TTC6: variants seen among roughly 807,000 people sequenced by gnomAD.
TTC6 encodes tetratricopeptide repeat protein 6.
A neutral mutation model predicts 210.4 loss-of-function variants in TTC6; 172 were observed. That is an observed-to-expected ratio of 0.82 (90% confidence interval 0.72 to 0.93). The LOEUF is 0.93. TTC6 is among the 40% of genes least tolerant of loss of function. TTC6 has a pLI of 0.00. For missense variants in TTC6, 2,414 were observed against 2,318.1 expected (o/e 1.04, Z -0.85); for synonymous variants, 804 against 819.6 (o/e 0.98, Z 0.32).
rs373387397 is a variant in TTC6 at position 37,637,873 on chromosome 14, C to T, written c.939+14870C>T. Among the ~76,000 whole-genome samples, 4 of 152,128 alleles carry T rather than the reference C, an allele frequency of 2.6e-5. No homozygotes were observed. The East Asian group carries it at 7.7e-4, about 29-fold the overall frequency. ...AGGCAGAGATGCTGGATTACTCATA[C>T]GTTGTTGGTAGGAATATAAGATGAC... On this transcript the variant is annotated intron_variant, in intron 1 of 30. Coordinates refer to ENST00000553443, the Ensembl canonical transcript of TTC6.
At chr14:37,745,012 ACACC>A (rs896644795) in intron 10 of TTC6, among the ~76,000 whole-genome samples, 3 of 151,446 alleles carry the variant, frequency 2.0e-5, no homozygotes, top group African/African-American at 7.3e-5. Context: ...ACACACACAC[ACACC>A]CACACACACA....
intron 1 of TTC6, among the ~76,000 whole-genome samples, chr14:37,638,069 CTG>C (rs570158226): frequency 1.3e-5 from 2 of 152,140 alleles, no homozygotes; most frequent in Admixed American, 6.5e-5. Context: ...TAACCCCTAA[CTG>C]TCAACAACCC....
rs57428441 is a variant in TTC6, at chr14:37,693,979, AAAACAAACAAACAAAC to A, written c.1258-2716_1258-2701del. Among the ~76,000 whole-genome samples the A allele has an allele frequency of 3.2e-3, 478 of 150,490 alleles. 3 individuals carry two copies. Among genetic ancestry groups the A allele is most frequent in the African/African-American group, 9.5e-3 (389 of 40,886 alleles). ...GACCTCAAACTATAAAACTACCACA[AAAACAAACAAACAAAC>A]AAACAAACAAACAAACAAACACTGG... is the stretch of plus-strand genomic sequence containing the variant. On this transcript the variant is annotated intron_variant, in intron 3 of 30. Coordinates refer to ENST00000553443, the Ensembl canonical transcript of TTC6.
At chr14:37,797,295 T>G (rs2096094942) in intron 20 of TTC6, among the ~76,000 whole-genome samples, 1 of 152,116 alleles carries the variant, frequency 6.6e-6, no homozygotes, top group South Asian at 2.1e-4. Context: ...TGTAGGTGTA[T>G]TCCTGTTCCT....
intron 7 of TTC6, among the ~76,000 whole-genome samples, chr14:37,733,272 C>A (rs998855988): frequency 6.6e-6 from 1 of 152,038 alleles, no homozygotes; most frequent in Non-Finnish European, 1.5e-5. Flanking sequence ...ATGTAATATA[C>A]CTTAAATTTT....
At chr14:37,597,121 T>A (rs1285543658) in intron 1 of TTC6, among the ~76,000 whole-genome samples, 2 of 152,036 alleles carry the variant, frequency 1.3e-5, no homozygotes, top group Non-Finnish European at 2.9e-5. Flanking sequence ...CCCTCCCTAA[T>A]GCAGCCTGCT....
intron 1 of TTC6, among the ~76,000 whole-genome samples, chr14:37,642,795 C>A (rs1170985041): frequency 6.6e-6 from 1 of 152,180 alleles, no homozygotes; most frequent in African/African-American, 2.4e-5. Context: ...TAGCCTGTTG[C>A]TCCTAGACTA....
intron 1 of TTC6, among the ~76,000 whole-genome samples, chr14:37,652,599 C>T (rs951312240): frequency 2.0e-5 from 3 of 152,124 alleles, no homozygotes; most frequent in Non-Finnish European, 4.4e-5. Context: ...TGAAGCAGTT[C>T]CTCGTCAAAC....
At chr14:37,668,131 T>TC (rs1406279183) in intron 1 of TTC6, among the ~76,000 whole-genome samples, 1 of 149,024 alleles carries the variant, frequency 6.7e-6, no homozygotes, top group African/African-American at 2.4e-5. Flanking sequence ...TGAGACTTCA[T>TC]CTAAAAAAAA....
intron 29 of TTC6, among the ~76,000 whole-genome samples, chr14:37,831,303 C>A (rs2096184485): frequency 6.6e-6 from 1 of 152,138 alleles, no homozygotes; most frequent in African/African-American, 2.4e-5. Context: ...ATATGCAACA[C>A]ATTTTCTTTA....
intron 14 of TTC6, among the ~76,000 whole-genome samples, chr14:37,778,627 C>A (rs982811781): frequency 6.6e-6 from 1 of 151,976 alleles, no homozygotes; most frequent in African/African-American, 2.4e-5. Flanking sequence ...GTTGGGGAGG[C>A]CCTGGTGGAG....
upstream of TTC6, among the ~76,000 whole-genome samples, chr14:37,617,189 A>C (rs1374112678): frequency 6.6e-6 from 1 of 152,202 alleles, no homozygotes; most frequent in Non-Finnish European, 1.5e-5. Flanking sequence ...TTTATTTTTA[A>C]ATTTTGGCTT....
At chr14:37,774,049 G>T (rs1191605064) in intron 14 of TTC6, among the ~76,000 whole-genome samples, 2 of 151,944 alleles carry the variant, frequency 1.3e-5, no homozygotes, top group Non-Finnish European at 2.9e-5. Flanking sequence ...TTCTTGATTT[G>T]GCTTTCAGTT....
At chr14:37,645,675 G>C (rs1002970477) in intron 1 of TTC6, among the ~76,000 whole-genome samples, 2 of 152,120 alleles carry the variant, frequency 1.3e-5, no homozygotes, top group Non-Finnish European at 2.9e-5. Flanking sequence ...CAGGCAGAGG[G>C]AGGAGATAGT....
intron 1 of TTC6, among the ~76,000 whole-genome samples, chr14:37,662,246 T>C (rs1810459426): frequency 6.6e-6 from 1 of 152,206 alleles, no homozygotes; most frequent in South Asian, 2.1e-4. Flanking sequence ...TCAAAGGAAA[T>C]GCTCCCAGCT....
exon 1 of TTC6, chr14:37,622,590 A>C (rs959271882): frequency 1.3e-6 from 2 of 1,534,366 alleles, no homozygotes; most frequent in Non-Finnish European, 1.7e-6. Context: ...CGCGGCTCCC[A>C]GGCGGGTCTT....
At chr14:37,614,623 G>T (rs1011678693) in intron 2 of TTC6, among the ~76,000 whole-genome samples, 4 of 148,740 alleles carry the variant, frequency 2.7e-5, no homozygotes, top group African/African-American at 9.9e-5. Context: ...ATTCCTATCC[G>T]CTGGTGAGTA....
chr14:37,689,013 A>AT (rs2095798817), intron 3 of TTC6, among the ~76,000 whole-genome samples: 2 of 152,180 alleles, frequency 1.3e-5, no homozygotes, highest in Non-Finnish European at 2.9e-5. Flanking sequence ...TATATTCAAA[A>AT]TATATAGAGA....
intron 14 of TTC6, among the ~76,000 whole-genome samples, chr14:37,785,657 C>T (rs937483924): frequency 3.3e-5 from 5 of 152,166 alleles, no homozygotes; most frequent in East Asian, 1.9e-4. Flanking sequence ...AGCTTTGTTC[C>T]GTTGCTGGCG....
Sources: gnomAD v4.1 joint callset for allele counts (sites outside exome capture counted in the v4.1 genomes callset) on GRCh38, gnomAD v4.1.1 for gene constraint, MANE v1.5 for transcripts, NCBI Gene and HGNC (gene_info 2026-07-23, HGNC 2026-07-21) for gene names.